The following NTM variants were observed in gnomAD, a reference collection of about 807,000 sequenced individuals.
NTM encodes the protein neurotrimin.
In NTM, 13 loss-of-function variants were observed where a neutral mutation model predicts 42.1. That is an observed-to-expected ratio of 0.31 (90% CI 0.20 to 0.49). The LOEUF is 0.49. Among genes scored for constraint, NTM ranks in the 20% least tolerant of loss-of-function variants. The pLI is 0.99. For missense variants in NTM, 373 were observed against 452.8 expected (o/e 0.82, Z 1.60); for synonymous variants, 187 against 179.2 (o/e 1.04, Z -0.35).
intron 1 of NTM, among the ~76,000 whole-genome samples, chr11:131,784,613 G>T (rs1217729092): frequency 6.6e-6 from 1 of 152,166 alleles, no homozygotes; most frequent in Non-Finnish European, 1.5e-5. Context: ...GTTAGGGGTT[G>T]CTGAAATACA....
intron 2 of NTM, among the ~76,000 whole-genome samples, chr11:132,007,755 A>G (rs899847966): frequency 6.6e-6 from 1 of 152,204 alleles, no homozygotes; most frequent in African/African-American, 2.4e-5. Flanking sequence ...CATAATTCAG[A>G]GCATCAAACA....
rs772352070 is a variant in NTM, at chr11:132,021,421, A to G, written c.167+109773A>G. 3.9e-5 allele frequency among the ~76,000 whole-genome samples: 6 copies of G among 152,262 alleles called. No individual in the cohort carries two copies. In the South Asian group the frequency reaches 1.2e-3, roughly 32 times the overall value. ...TTGCCTACTTTGTTTTGTATGGGTC[A>G]CAGTTTCCTCTTTCCTTGCATATCT... On this transcript the variant is annotated intron_variant, in intron 2 of 8. Coordinates refer to ENST00000683400, the MANE Select transcript of NTM (RefSeq NM_001352005.2).
chr11:132,140,900 G>A (rs2068965919), intron 2 of NTM: 1 of 152,242 alleles, frequency 6.6e-6, no homozygotes, highest in African/African-American at 2.4e-5. Flanking sequence ...TGTGTGATAA[G>A]AGGCAATTGT....
At chr11:131,957,013 T>C (rs1422578198) in intron 2 of NTM, among the ~76,000 whole-genome samples, 4 of 152,228 alleles carry the variant, frequency 2.6e-5, no homozygotes, top group Admixed American at 2.6e-4. Flanking sequence ...CCTCATTTAA[T>C]CCTGTTAATC....
chr11:131,511,495 A>G (rs752802493), intron 1 of NTM, among the ~76,000 whole-genome samples: 7 of 152,218 alleles, frequency 4.6e-5, no homozygotes, highest in Non-Finnish European at 2.9e-5. Flanking sequence ...AATGGTTTAA[A>G]TCAGCAATGC....
At chr11:132,080,884 G>A (rs1023157879) in intron 2 of NTM, among the ~76,000 whole-genome samples, 7 of 152,244 alleles carry the variant, frequency 4.6e-5, no homozygotes, top group Non-Finnish European at 4.4e-5. Context: ...AATTGATTAA[G>A]CAGCAGCACC....
chr11:131,660,674 C>T (rs1388478199), intron 1 of NTM: 7 of 434,242 alleles, frequency 1.6e-5, no homozygotes, highest in Admixed American at 2.5e-5. Flanking sequence ...ATCCATGAAG[C>T]GGGGACAGAG....
At chr11:132,069,318 G>T (rs529420767) in intron 2 of NTM, among the ~76,000 whole-genome samples, 1 of 149,538 alleles carries the variant, frequency 6.7e-6, no homozygotes, top group South Asian at 2.1e-4. Context: ...GACCATCACA[G>T]GTTAGTTAAC....
chr11:131,868,275 C>A (rs1172215691), intron 1 of NTM, among the ~76,000 whole-genome samples: 1 of 152,196 alleles, frequency 6.6e-6, no homozygotes, highest in Non-Finnish European at 1.5e-5. Context: ...CAGCCACCCA[C>A]CCTTTTTTGT....
intron 3 of NTM, among the ~76,000 whole-genome samples, chr11:132,149,231 C>CAAAAA (rs59485155): frequency 1.1e-4 from 14 of 122,912 alleles, no homozygotes; most frequent in African/African-American, 3.8e-4. Context: ...TCCTGGATTA[C>CAAAAA]AAAAAAAAAA....
intron 2 of NTM, among the ~76,000 whole-genome samples, chr11:132,103,929 C>A (rs765111023): frequency 6.6e-6 from 1 of 152,196 alleles, no homozygotes; most frequent in South Asian, 2.1e-4. Flanking sequence ...CATCAGCAGA[C>A]CTAGGCATAG....
At chr11:131,780,771 T>A (rs1032403638) in intron 1 of NTM, among the ~76,000 whole-genome samples, 1 of 152,152 alleles carries the variant, frequency 6.6e-6, no homozygotes, top group Non-Finnish European at 1.5e-5. Context: ...GCCTTTAGAA[T>A]CTAATGTGAG....
At chr11:131,970,236 A>G (rs964923308) in intron 2 of NTM, among the ~76,000 whole-genome samples, 2 of 152,202 alleles carry the variant, frequency 1.3e-5, no homozygotes, top group Non-Finnish European at 1.5e-5. Context: ...GCCAGTTATC[A>G]TGGCTCCAAT....
intron 2 of NTM, among the ~76,000 whole-genome samples, chr11:132,081,063 C>T (rs184511104): frequency 1.3e-5 from 2 of 152,260 alleles, no homozygotes; most frequent in Admixed American, 1.3e-4. Context: ...CACATAGATG[C>T]TAAGGGATTT....
chr11:131,471,348 C>T (rs1952423919), intron 1 of NTM, among the ~76,000 whole-genome samples: 1 of 152,228 alleles, frequency 6.6e-6, no homozygotes, highest in Non-Finnish European at 1.5e-5. Context: ...CTGTCAGGCA[C>T]TGTCCTAGGA....
At chr11:131,888,789 A>G (rs1208419317) in intron 1 of NTM, among the ~76,000 whole-genome samples, 2 of 152,076 alleles carry the variant, frequency 1.3e-5, no homozygotes, top group Non-Finnish European at 2.9e-5. Flanking sequence ...TTAAAGTGAC[A>G]AGTTTTTCCA....
chr11:131,409,887 AAAAGG>A (rs1341896855), intron 1 of NTM, among the ~76,000 whole-genome samples: 1 of 152,136 alleles, frequency 6.6e-6, no homozygotes, highest in Non-Finnish European at 1.5e-5. Context: ...TCCTCCTGTA[AAAAGG>A]GCTAATCTTT....
intron 4 of NTM, among the ~76,000 whole-genome samples, chr11:132,236,192 C>T (rs1455652084): frequency 6.6e-6 from 1 of 152,178 alleles, no homozygotes; most frequent in African/African-American, 2.4e-5. Context: ...AAGTGCTCTA[C>T]ATCTGTGATC....
At chr11:131,995,463 T>C (rs1004196158) in intron 2 of NTM, among the ~76,000 whole-genome samples, 5 of 151,986 alleles carry the variant, frequency 3.3e-5, no homozygotes, top group African/African-American at 4.8e-5. Flanking sequence ...GGTGGTATCA[T>C]TGAGGCTTCT....
Sources: gnomAD v4.1 joint callset for allele counts (sites outside exome capture counted in the v4.1 genomes callset) on GRCh38, gnomAD v4.1.1 for gene constraint, MANE v1.5 for transcripts, NCBI Gene and HGNC (gene_info 2026-07-23, HGNC 2026-07-21) for gene names.